DENND1B: variants seen among roughly 807,000 people sequenced by gnomAD.
DENND1B encodes the protein DENN domain-containing protein 1B.
In DENND1B, 59 loss-of-function variants were observed where a neutral mutation model predicts 90.1. The observed-to-expected ratio is 0.65, with a 90% confidence interval of 0.53 to 0.81. The LOEUF is 0.81. Among genes scored for constraint, DENND1B ranks in the 40% least tolerant of loss-of-function variants. The pLI is 0.00. For synonymous variants in DENND1B, 337 were observed against 324.6 expected (o/e 1.04, Z -0.41); for missense variants, 862 against 912.6 (o/e 0.94, Z 0.71).
At chr1:197,600,904 TGGA>T (rs1676147848) in intron 13 of DENND1B, among the ~76,000 whole-genome samples, 1 of 151,660 alleles carries the variant, frequency 6.6e-6, no homozygotes, top group South Asian at 2.1e-4. Flanking sequence ...ACTATTAAGC[TGGA>T]GAAGAACACT....
chr1:197,713,772 T>TTA (rs1296589577), intron 3 of DENND1B, among the ~76,000 whole-genome samples: 18 of 24,362 alleles, frequency 7.4e-4, no homozygotes, highest in South Asian at 3.2e-3. Context: ...TTATATTATA[T>TTA]TATTATATTA....
At chr1:197,695,800 A>C (rs558714077) in intron 3 of DENND1B, among the ~76,000 whole-genome samples, 1 of 151,368 alleles carries the variant, frequency 6.6e-6, no homozygotes, top group African/African-American at 2.4e-5. Flanking sequence ...TTATTTTCAG[A>C]GTATTAGAAT....
chr1:197,627,681 C>A (rs552453594), intron 10 of DENND1B, among the ~76,000 whole-genome samples: 2 of 151,916 alleles, frequency 1.3e-5, no homozygotes, highest in African/African-American at 2.4e-5. Flanking sequence ...CTGGCCAGGG[C>A]AATTAGGCAG....
chr1:197,651,120 T>C (rs974117478), intron 7 of DENND1B, among the ~76,000 whole-genome samples: 1 of 152,108 alleles, frequency 6.6e-6, no homozygotes, highest in Non-Finnish European at 1.5e-5. Context: ...AAAAGACTTA[T>C]ATATACTTTG....
At chr1:197,650,613 C>T (rs1032766190) in intron 7 of DENND1B, among the ~76,000 whole-genome samples, 1 of 152,134 alleles carries the variant, frequency 6.6e-6, no homozygotes, top group South Asian at 2.1e-4. Context: ...GTGGAATCAA[C>T]CCAAATGCCC....
At chr1:197,715,627 T>C (rs565702168) in intron 2 of DENND1B, among the ~76,000 whole-genome samples, 65 of 152,000 alleles carry the variant, frequency 4.3e-4, no homozygotes, top group Admixed American at 3.7e-3. Context: ...TAAGTAGATA[T>C]AAAGCAGTTC....
At chr1:197,684,544 A>C (rs909894324) in intron 3 of DENND1B, among the ~76,000 whole-genome samples, 9 of 152,180 alleles carry the variant, frequency 5.9e-5, no homozygotes, top group African/African-American at 1.9e-4. Context: ...GGTGTATAAA[A>C]AATAAAGGGA....
intron 14 of DENND1B, among the ~76,000 whole-genome samples, chr1:197,588,830 G>A (rs941796878): frequency 2.0e-5 from 3 of 152,014 alleles, no homozygotes; most frequent in African/African-American, 7.2e-5. Context: ...TTCTTCCATT[G>A]TTGGCACTTT....
At chr1:197,647,387 CAT>C (rs148980029) in intron 7 of DENND1B, among the ~76,000 whole-genome samples, 4,963 of 152,120 alleles carry the variant, frequency 0.033, 262 homozygotes, top group African/African-American at 0.11. Flanking sequence ...TCTCATTAGA[CAT>C]TAACTTTTTA....
chr1:197,731,601 C>T (rs572594913), intron 2 of DENND1B, among the ~76,000 whole-genome samples: 1 of 152,266 alleles, frequency 6.6e-6, no homozygotes, highest in Admixed American at 6.5e-5. Context: ...GTCATTCACT[C>T]ATTATACACC....
chr1:197,767,322 G>A (rs1655818317), intron 2 of DENND1B, among the ~76,000 whole-genome samples: 1 of 151,944 alleles, frequency 6.6e-6, no homozygotes, highest in Non-Finnish European at 1.5e-5. Context: ...GTAGAGTCTA[G>A]TGTAGATAGT....
chr1:197,555,243 G>A (rs1027781399), intron 15 of DENND1B, among the ~76,000 whole-genome samples: 10 of 148,408 alleles, frequency 6.7e-5, no homozygotes, highest in Middle Eastern at 6.9e-3. Flanking sequence ...CTCCCTAGAA[G>A]AAAACCTTTC....
At chr1:197,694,967 A>C (rs571994851) in intron 3 of DENND1B, among the ~76,000 whole-genome samples, 1 of 151,414 alleles carries the variant, frequency 6.6e-6, no homozygotes, top group Non-Finnish European at 1.5e-5. Flanking sequence ...CTGCTAGATG[A>C]AATATTCCAG....
intron 3 of DENND1B, among the ~76,000 whole-genome samples, chr1:197,687,421 G>A (rs1282551639): frequency 1.3e-5 from 2 of 152,038 alleles, no homozygotes; most frequent in East Asian, 3.9e-4. Flanking sequence ...ATTTTAACCA[G>A]AATGTTTGAA....
chr1:197,748,664 C>T (rs931808099), intron 2 of DENND1B, among the ~76,000 whole-genome samples: 2 of 152,156 alleles, frequency 1.3e-5, no homozygotes, highest in Admixed American at 6.5e-5. Flanking sequence ...GGCAGGCAGC[C>T]CCTTAGAAGC....
At chr1:197,536,951 G>T (rs1010659235) in intron 20 of DENND1B, among the ~76,000 whole-genome samples, 1 of 151,626 alleles carries the variant, frequency 6.6e-6, no homozygotes, top group African/African-American at 2.4e-5. Context: ...TGAGGCAGGA[G>T]AATGGCGTGA....
chr1:197,727,915 C>T (rs1291376401), intron 2 of DENND1B, among the ~76,000 whole-genome samples: 1 of 152,074 alleles, frequency 6.6e-6, no homozygotes, highest in Non-Finnish European at 1.5e-5. Flanking sequence ...AAAGTTCTTC[C>T]CAATGTCCAA....
At chr1:197,552,822 A>G (rs1671350691) in intron 16 of DENND1B, 200 bp downstream of exon 16, 2 of 1,333,372 alleles carry the variant, frequency 1.5e-6, no homozygotes, top group Admixed American at 8.2e-5. Context: ...CAGGAGGCCA[A>G]CTTAATGCCT....
chr1:197,632,082 C>T (rs1217950852), intron 10 of DENND1B, among the ~76,000 whole-genome samples: 1 of 152,068 alleles, frequency 6.6e-6, no homozygotes, highest in East Asian at 1.9e-4. Flanking sequence ...AGTTCAGGAG[C>T]TAATCATCTC....
Sources: allele counts gnomAD v4.1 joint callset (sites outside exome capture counted in the v4.1 genomes callset), GRCh38; gene constraint gnomAD v4.1.1; transcripts MANE v1.5; gene names NCBI Gene and HGNC (gene_info 2026-07-23, HGNC 2026-07-21).